Variants in PIGN observed in about 807,000 individuals in gnomAD.
The protein encoded by PIGN is GPI ethanolamine phosphate transferase 1.
A neutral mutation model predicts 125.4 loss-of-function variants in PIGN; 117 were observed. The observed-to-expected ratio is 0.93, with a 90% CI of 0.80 to 1.09. PIGN has a LOEUF of 1.09. Ranked by LOEUF, PIGN falls within the 50% of genes least tolerant of loss-of-function variation. The pLI is 0.00. For synonymous variants in PIGN, 392 were observed against 377.8 expected, an observed-to-expected ratio of 1.04 and a Z score of -0.44; for missense variants, 1,075 against 1,094.9, an observed-to-expected ratio of 0.98 and a Z score of 0.26.
chr18:62,148,190 C>T lies in PIGN; in HGVS notation c.674+24G>A, dbSNP rs569309663. ...AGAATAGCTGTTGCCCTAAAAAATA[C>T]AATTAAACACAATATTAAATTACCT... On this transcript the variant is annotated intron_variant, in intron 8 of 30. Transcript: ENST00000640252. 51 of 1,497,756 alleles carry T rather than the reference C, an allele frequency of 3.4e-5. No homozygotes were observed. In the East Asian group the frequency reaches 1.2e-3, roughly 34 times the overall value. 92.8% of individuals were successfully genotyped at this position (1,497,756 alleles called of 1,614,324 possible). A position where few individuals can be genotyped will look rare whatever the true frequency, so the allele number is the denominator to read the frequency against.
chr18:62,118,150 G>C (rs9959906), intron 14 of PIGN, among the ~76,000 whole-genome samples: 5,041 of 151,948 alleles, frequency 0.033, 198 homozygotes, highest in African/African-American at 0.079. Context: ...TAGATAGATA[G>C]ATACATAATA....
chr18:62,177,322 A>G (rs2037560042), intron 1 of PIGN, among the ~76,000 whole-genome samples: 1 of 152,096 alleles, frequency 6.6e-6, no homozygotes, highest in African/African-American at 2.4e-5. Context: ...GTTTGTTTCA[A>G]TTATTGTACT....
At chr18:62,071,305 C>T (rs886923322) in intron 30 of PIGN, among the ~76,000 whole-genome samples, 7 of 152,118 alleles carry the variant, frequency 4.6e-5, no homozygotes, top group African/African-American at 1.7e-4. Context: ...TTTGAAACCG[C>T]GGATTCAAGC....
rs1452924128 is a variant in PIGN, at chr18:62,138,236, G to T, written c.1172+7C>A. 12 of 1,543,454 alleles carry T rather than the reference G, an allele frequency of 7.8e-6. No individual in the cohort carries two copies. The highest frequency in any genetic ancestry group is 1.0e-5 in the Non-Finnish European group (12 of 1,144,782). On this transcript the variant is annotated splice_region_variant and intron_variant, in intron 14 of 30. Coordinates refer to ENST00000640252, the MANE Select transcript of PIGN (RefSeq NM_176787.5). ...TTCAAGTTAATAAAAAAATGTAAGGGACTTACTTAAATGGTGTAAACAAAA... is the reference window on the plus strand; with the variant it reads ...TTCAAGTTAATAAAAAAATGTAAGGTACTTACTTAAATGGTGTAAACAAAA...
At position 62,148,315 on chromosome 18, in the gene PIGN, G is replaced by A. The variant is rs182287094; in HGVS notation, c.573C>T (p.Asn191=). 9 of 1,521,004 alleles carry A rather than the reference G, an allele frequency of 5.9e-6. No individual in the cohort carries two copies. Among genetic ancestry groups the A allele is most frequent in the Non-Finnish European group, 8.0e-6 (9 of 1,130,562 alleles). The allele number at this position is 1,521,004 out of a possible 1,614,324, so 94.2% of individuals were successfully genotyped here. A position where few individuals can be genotyped will look rare whatever the true frequency, so the allele number is the denominator to read the frequency against. The change falls in exon 8 of 31, where the codon AAC becomes AAT. Residue 191 remains asparagine (N), a synonymous_variant. Coordinates refer to ENST00000640252, the MANE Select transcript of PIGN (RefSeq NM_176787.5). The part of the protein sequence containing the change: ...NVKDFFHHAR[N]NQSLFSKINE... ...TTATTTTAGAAAACAAAGACTGGTT[G>A]TTTCTGGCATGATGAAAGAAGTCCT...
chr18:62,150,712 T>C (rs1156832814), intron 7 of PIGN, among the ~76,000 whole-genome samples: 2 of 152,168 alleles, frequency 1.3e-5, no homozygotes, highest in East Asian at 3.9e-4. Context: ...TTTGTTTGTT[T>C]GTTTTTGAGA....
intron 17 of PIGN, chr18:62,107,616 T>C (rs1377337914): frequency 6.6e-6 from 1 of 151,074 alleles, no homozygotes; most frequent in Admixed American, 6.6e-5. Flanking sequence ...AAGAAAATGA[T>C]CACAAAAGTT....
At chr18:62,023,751 C>A (rs1206543252) in intron 23 of PIGN, among the ~76,000 whole-genome samples, 1 of 152,204 alleles carries the variant, frequency 6.6e-6, no homozygotes, top group African/African-American at 2.4e-5. Flanking sequence ...GGCAACACAA[C>A]TGCACACTTT....
chr18:62,119,654 G>C (rs1280599629), intron 14 of PIGN, among the ~76,000 whole-genome samples: 1 of 152,060 alleles, frequency 6.6e-6, no homozygotes, highest in Non-Finnish European at 1.5e-5. Flanking sequence ...GACCAGCCTG[G>C]CCAACATGGT....
chr18:62,146,488 T>C (rs1289418898), intron 9 of PIGN, among the ~76,000 whole-genome samples: 1 of 152,184 alleles, frequency 6.6e-6, no homozygotes, highest in Non-Finnish European at 1.5e-5. Context: ...AGAAGTCCTT[T>C]ATAAAGTGGA....
chr18:62,056,773 G>C (rs1389055475), intron 30 of PIGN: 1 of 152,372 alleles, frequency 6.6e-6, no homozygotes, highest in South Asian at 2.1e-4. Flanking sequence ...TGAGCGGCGG[G>C]GAAGTGAGCG....
intron 30 of PIGN, among the ~76,000 whole-genome samples, chr18:62,050,089 T>A (rs1294694005): frequency 2.0e-5 from 3 of 152,030 alleles, no homozygotes; most frequent in Non-Finnish European, 4.4e-5. Context: ...ATCATGCTGT[T>A]TTGGTTACTG....
At position 62,113,212 on chromosome 18, in the gene PIGN, C is replaced by T. The variant is rs754184885; in HGVS notation, c.1356G>A (p.Val452=). Residue 452 remains valine (V), a synonymous_variant, in exon 16 of 31, where the codon GTG becomes GTA. Transcript: ENST00000640252. ...ACAAAGAGGCATAAGATATCCATCC[C>T]ACAAAACCAATAACAACATTGACGC... The part of the protein sequence containing the change: ...FLGVNVVIGF[V]GWISYASLLI... 6.2e-6 allele frequency: 10 copies of T among 1,612,800 alleles called. No individual in the cohort carries two copies. The highest frequency in any genetic ancestry group is 2.2e-5 in the East Asian group (1 of 44,708).
chr18:62,101,236 A>G, intron 21 of PIGN, 53 bp from the exon 22 acceptor site: 2 of 965,058 alleles, frequency 2.1e-6, no homozygotes, highest in Non-Finnish European at 3.3e-6. Context: ...GAAAGACTCT[A>G]ACTAGCAAGA....
At chr18:62,146,541 C>G (rs1226826029) in intron 9 of PIGN, among the ~76,000 whole-genome samples, 4 of 152,130 alleles carry the variant, frequency 2.6e-5, no homozygotes, top group Non-Finnish European at 5.9e-5. Context: ...GGGGACAAAT[C>G]TCATCTTTGC....
downstream of PIGN, among the ~76,000 whole-genome samples, chr18:62,038,668 C>T (rs1002869974): frequency 4.6e-5 from 7 of 152,132 alleles, no homozygotes; most frequent in Non-Finnish European, 8.8e-5. Context: ...CACAGTGGCT[C>T]GTGCCTCTGA....
At chr18:62,132,610 G>A (rs1432111731) in intron 14 of PIGN, among the ~76,000 whole-genome samples, 1 of 152,038 alleles carries the variant, frequency 6.6e-6, no homozygotes, top group Admixed American at 6.6e-5. Context: ...GGGAGGCCAA[G>A]GCAGGCAGAC....
chr18:62,185,785 G>C (rs1049449739), intron 1 of PIGN, among the ~76,000 whole-genome samples: 1 of 146,778 alleles, frequency 6.8e-6, no homozygotes, highest in African/African-American at 2.5e-5. Flanking sequence ...TACCTTTTCA[G>C]ATCATAATCA....
At chr18:62,102,766 A>C (rs2146347258) in intron 21 of PIGN, 28 bp downstream of exon 21, 1 of 1,019,276 alleles carries the variant, frequency 9.8e-7, no homozygotes, top group East Asian at 2.6e-5. Flanking sequence ...TCATTAGTAT[A>C]ACATAGTATT....
Sources: gnomAD v4.1 joint callset for allele counts (sites outside exome capture counted in the v4.1 genomes callset) on GRCh38, gnomAD v4.1.1 for gene constraint, MANE v1.5 for transcripts, NCBI Gene and HGNC (gene_info 2026-07-23, HGNC 2026-07-21) for gene names.